LCT: variants seen among roughly 807,000 people sequenced by gnomAD.
The protein encoded by LCT is lactase/phlorizin hydrolase.
A neutral mutation model predicts 173.0 loss-of-function variants in LCT; 90 were observed. The observed-to-expected ratio is 0.52, with a 90% confidence interval of 0.44 to 0.62. LCT has a LOEUF of 0.62. LCT is among the 20% of genes least tolerant of loss of function. LCT has a pLI of 0.00. For synonymous variants in LCT, 853 were observed against 957.6 expected (o/e 0.89, Z 2.02); for missense variants, 1,864 against 2,431.4 (o/e 0.77, Z 4.91).
rs562660444 is a variant in LCT, at chr2:135,800,814, A to G, written c.4664-5T>C. The G allele has an allele frequency of 1.0e-5, 16 of 1,605,146 alleles. No individual in the cohort carries two copies. Among genetic ancestry groups the G allele is most frequent in the Non-Finnish European group, 1.4e-5 (16 of 1,171,972 alleles). ...TGCCAGGCCTATTGGAGACTCCTGG[A>G]AACATACACATGGATGTCAACAGAG... On this transcript the variant is annotated splice_region_variant and splice_polypyrimidine_tract_variant and intron_variant, in intron 11 of 16. Transcript: ENST00000264162.
chr2:135,821,394 A>G (rs1221304070), intron 5 of LCT, among the ~76,000 whole-genome samples: 1 of 152,190 alleles, frequency 6.6e-6, no homozygotes, highest in African/African-American at 2.4e-5. Flanking sequence ...AAATGGGCAC[A>G]GAGAACCCAT....
Position 135,817,334 on chromosome 2 carries a change from G to C in LCT, c.1707+7C>G. 1 of 1,613,510 alleles carries C rather than the reference G, an allele frequency of 6.2e-7. No individual in the cohort carries two copies. The highest frequency in any genetic ancestry group is 8.5e-7 in the Non-Finnish European group (1 of 1,179,662). On this transcript the variant is annotated splice_region_variant and intron_variant, in intron 6 of 16. Coordinates refer to ENST00000264162, the MANE Select transcript of LCT (RefSeq NM_002299.4). ...CAATTAGTAGGAGCTGCAGGGTTGG[G>C]AAGTACCTTAAAAGAGGCCACTCCT... is the stretch of plus-strand genomic sequence containing the variant.
chr2:135,799,077 T>C (rs2077605365), intron 12 of LCT, among the ~76,000 whole-genome samples: 1 of 152,204 alleles, frequency 6.6e-6, no homozygotes, highest in Non-Finnish European at 1.5e-5. Flanking sequence ...ACCAGTTCTG[T>C]GAGTCTGAAA....
chr2:135,831,398 G>C (rs10928550), intron 2 of LCT, among the ~76,000 whole-genome samples: 149,180 of 152,160 alleles, frequency 0.98, 73,183 homozygotes, highest in East Asian at 1. Flanking sequence ...CAGAGAGAGA[G>C]GCCCACACGT....
At chr2:135,797,866 C>G (rs574520068) in intron 13 of LCT, among the ~76,000 whole-genome samples, 163 bp downstream of exon 13, 1 of 152,216 alleles carries the variant, frequency 6.6e-6, no homozygotes, top group Non-Finnish European at 1.5e-5. Flanking sequence ...GCAAACCCCT[C>G]TGTCAAGCAT....
At chr2:135,802,666 T>C (rs567846794) in intron 11 of LCT, among the ~76,000 whole-genome samples, 3 of 152,152 alleles carry the variant, frequency 2.0e-5, no homozygotes, top group Non-Finnish European at 4.4e-5. Context: ...AAAGATGAGC[T>C]CCTAGCAGCA....
intron 7 of LCT, among the ~76,000 whole-genome samples, chr2:135,810,622 T>C (rs1365947746): frequency 6.6e-6 from 1 of 152,210 alleles, no homozygotes; most frequent in Non-Finnish European, 1.5e-5. Flanking sequence ...TGCTTTTGCT[T>C]TTCCTTGTTT....
intron 9 of LCT, 84 bp downstream of exon 9, chr2:135,807,044 A>G (rs2077681657): frequency 8.7e-6 from 13 of 1,495,178 alleles, no homozygotes; most frequent in Non-Finnish European, 1.2e-5. Flanking sequence ...CTGTTCATGC[A>G]TCTGCCCTTC....
At chr2:135,812,068 C>T (rs1042114777) in intron 7 of LCT, among the ~76,000 whole-genome samples, 3 of 152,024 alleles carry the variant, frequency 2.0e-5, no homozygotes, top group African/African-American at 7.3e-5. Flanking sequence ...GCGGGCAACA[C>T]AGCAAGACCC....
Position 135,817,747 on chromosome 2 carries a change from T to C in LCT, c.1301A>G (p.His434Arg), listed in dbSNP as rs2077792677. Residue 434 changes from histidine to arginine, a missense_variant, in exon 6 of 17, where the codon CAC becomes CGC. By Grantham distance (29) the His-to-Arg change is conservative. Around this residue, in one of 4 missense-constraint regions of LCT, gnomAD observed 183 missense variants for 293.1 expected, o/e 0.62. Transcript: ENST00000264162. ...ATLEVASDSY[H>R]KVASDVALLC... is the part of the protein sequence containing the mutation. ...CAGGGCGACGTCAGAGGCTACCTTG[T>C]GGTAACTGTCGCTGGCCACCTCCAG... 1 of 1,613,904 alleles carries C rather than the reference T, an allele frequency of 6.2e-7. No individual in the cohort carries two copies. The highest frequency in any genetic ancestry group is 8.5e-7 in the Non-Finnish European group (1 of 1,180,042).
intron 1 of LCT, among the ~76,000 whole-genome samples, chr2:135,833,719 T>TA (rs1233693130): frequency 6.6e-6 from 1 of 151,904 alleles, no homozygotes; most frequent in Non-Finnish European, 1.5e-5. Context: ...GTGTTGGGAT[T>TA]ACAGGCGTGA....
Position 135,800,610 on chromosome 2 carries a change from A to G in LCT, c.4863T>C (p.Val1621=). 6.2e-7 allele frequency: 1 copy of G among 1,611,606 alleles called. No individual in the cohort carries two copies. Among genetic ancestry groups the G allele is most frequent in the Non-Finnish European group, 8.5e-7 (1 of 1,179,368 alleles). ...QEDVEAARRY[V]QFMGGWFAHP... ...AGCGCCCAGAGGAAAAACAGACCTG[A>G]ACATATCTCCTGGCTGCCTCCACAT... is the stretch of plus-strand genomic sequence containing the variant. The change falls in exon 12 of 17, where the codon GTT becomes GTC. Residue 1621 remains valine, a synonymous_variant. Transcript: ENST00000264162.
At chr2:135,793,097 A>G (rs2077545941) in intron 14 of LCT, among the ~76,000 whole-genome samples, 3 of 152,344 alleles carry the variant, frequency 2.0e-5, no homozygotes, top group Non-Finnish European at 4.4e-5. Context: ...TGCCTGCAAC[A>G]TCCTGGCTAA....
At chr2:135,811,566 T>C (rs2077734516) in intron 7 of LCT, among the ~76,000 whole-genome samples, 1 of 152,130 alleles carries the variant, frequency 6.6e-6, no homozygotes, top group South Asian at 2.1e-4. Flanking sequence ...TGAAGACCAG[T>C]GTGGCTGGAG....
In LCT at chr2:135,817,993, T is replaced by C. The variant is rs750026036; in HGVS notation, c.1055A>G (p.Asp352Gly). The change falls in exon 6 of 17, where the codon GAC becomes GGC. Residue 352 changes from aspartate (D) to glycine (G), a missense_variant. Asp to Gly is a moderately conservative substitution (Grantham distance 94). This residue lies in a region of LCT where 412 missense variants were observed against 462.0 expected (regional missense o/e 0.89). Coordinates refer to ENST00000264162, the MANE Select transcript of LCT (RefSeq NM_002299.4). ...PDQQQDHETT[D>G]SSPASAYQRI... Reference sequence around the variant, plus strand: ...CTGATAGGCAGAGGCAGGAGAGGAGTCCGTGGTCTCGTGGTCCTGCTGCTG... The same window carrying C: ...CTGATAGGCAGAGGCAGGAGAGGAGCCCGTGGTCTCGTGGTCCTGCTGCTG... 1 of 1,613,120 alleles carries C rather than the reference T, an allele frequency of 6.2e-7. No individual in the cohort carries two copies. The highest frequency in any genetic ancestry group is 2.2e-5 in the East Asian group (1 of 44,862).
Position 135,817,925 on chromosome 2 carries a change from C to T in LCT, c.1123G>A (p.Asp375Asn). 6.2e-7 allele frequency: 1 copy of T among 1,614,036 alleles called. No homozygotes were observed. The highest frequency in any genetic ancestry group is 8.5e-7 in the Non-Finnish European group (1 of 1,180,020). ...GGGAAAGTATCCTGCAGGAAGGCATCCCTTTCCGCCCTGGACTGATTGGCA... is the reference window on the plus strand; with the variant it reads ...GGGAAAGTATCCTGCAGGAAGGCATTCCTTTCCGCCCTGGACTGATTGGCA... Reference protein sequence around the residue: ...AFANQSRAERDAFLQDTFPEG... With the variant: ...AFANQSRAERNAFLQDTFPEG... Residue 375 changes from aspartate to asparagine, a missense_variant, in exon 6 of 17, where the codon GAT becomes AAT. Physicochemically the swap from Asp to Asn is conservative, Grantham distance 23 (BLOSUM62 1). Coordinates refer to ENST00000264162, the MANE Select transcript of LCT (RefSeq NM_002299.4).
At chr2:135,802,975 G>C (rs1337571290) in intron 11 of LCT, among the ~76,000 whole-genome samples, 1 of 152,048 alleles carries the variant, frequency 6.6e-6, no homozygotes, top group East Asian at 1.9e-4. Context: ...AGCTGGGCAT[G>C]GTGACACATG....
At chr2:135,824,057 A>AAACTCTGTCCCTGT in intron 3 of LCT, 54 bp from the exon 4 acceptor site, 1 of 1,171,788 alleles carries the variant, frequency 8.5e-7, no homozygotes, top group Non-Finnish European at 1.3e-6. Flanking sequence ...AAGCATCTTG[A>AAACTCTGTCCCTGT]TAACAGGGAC....
chr2:135,825,699 G>C (rs1558744472), intron 3 of LCT, among the ~76,000 whole-genome samples: 1 of 152,210 alleles, frequency 6.6e-6, no homozygotes, highest in South Asian at 2.1e-4. Flanking sequence ...TCAGACAGCT[G>C]TGTGCCGTTG....
Sources: gnomAD v4.1 joint callset for allele counts (sites outside exome capture counted in the v4.1 genomes callset) on GRCh38, gnomAD v4.1.1 for gene constraint, gnomAD v4.1.1 regional missense constraint, MANE v1.5 for transcripts, NCBI Gene and HGNC (gene_info 2026-07-23, HGNC 2026-07-21) for gene names.